The following KATNAL2 variants were observed in gnomAD, a reference collection of about 807,000 sequenced individuals.
KATNAL2 encodes the protein katanin p60 ATPase-containing subunit A-like 2.
Under a neutral mutation model 76.3 loss-of-function variants are expected in KATNAL2, and 52 were observed. The ratio of observed to expected loss-of-function variants is 0.68; its 90% CI spans 0.55 to 0.86. The LOEUF is 0.86. KATNAL2 is among the 40% of genes least tolerant of loss of function. KATNAL2 has a pLI of 0.00. For missense variants in KATNAL2, 660 were observed against 668.9 expected (o/e 0.99, Z 0.15); for synonymous variants, 243 against 244.2 (o/e 1.00, Z 0.05).
At chr18:46,962,119 C>CTTCTCTTG (rs1414521648) in intron 3 of KATNAL2, among the ~76,000 whole-genome samples, 10 of 136,796 alleles carry the variant, frequency 7.3e-5, no homozygotes, top group African/African-American at 2.9e-4. Context: ...TTTGGCTCAG[C>CTTCTCTTG]CCTCTAAGAA....
At chr18:46,946,715 T>G (rs2059389934) in intron 2 of KATNAL2, 139 bp from the exon 3 acceptor site, 2 of 1,081,390 alleles carry the variant, frequency 1.8e-6, no homozygotes. Context: ...ATTGGCATGT[T>G]AAAGAATCCT....
intron 1 of KATNAL2, among the ~76,000 whole-genome samples, chr18:46,941,966 G>T (rs1284005228): frequency 6.6e-6 from 1 of 152,164 alleles, no homozygotes; most frequent in Admixed American, 6.5e-5. Context: ...ACCAGCTAGG[G>T]TTACAGGGCA....
At chr18:47,064,935 G>A (rs189236184) in intron 10 of KATNAL2, among the ~76,000 whole-genome samples, 82 of 152,234 alleles carry the variant, frequency 5.4e-4, no homozygotes, top group African/African-American at 1.9e-3. Flanking sequence ...CTCTAGAAGA[G>A]GTCAAGAAAT....
rs1241947420 is a variant in KATNAL2, at chr18:47,070,669, C to T, written c.1008+1069C>T. Among the ~76,000 whole-genome samples the T allele has an allele frequency of 4.6e-5, 7 of 152,162 alleles. No individual in the cohort carries two copies. In the East Asian group the frequency reaches 1.4e-3, roughly 29 times the overall value. On this transcript the variant is annotated intron_variant, in intron 13 of 17. Coordinates refer to ENST00000683218, the MANE Select transcript of KATNAL2 (RefSeq NM_001387690.1). ...TAACAAATTATGCTTAAATTACATT[C>T]CCTTAGATGACTGTTTCAAAATATG...
intron 3 of KATNAL2, chr18:47,034,248 C>A: frequency 6.2e-7 from 1 of 1,614,022 alleles, no homozygotes; most frequent in Admixed American, 1.7e-5. Flanking sequence ...CGTTGGAAAG[C>A]TGCTCTTTCT....
chr18:46,922,816 A>G (rs1466780987), intron 1 of KATNAL2, among the ~76,000 whole-genome samples: 1 of 151,154 alleles, frequency 6.6e-6, no homozygotes, highest in Non-Finnish European at 1.5e-5. Flanking sequence ...ATAAATAATA[A>G]AAAGTTGAAA....
intron 10 of KATNAL2, among the ~76,000 whole-genome samples, chr18:47,065,440 G>GA (rs538155659): frequency 1.7e-3 from 254 of 150,610 alleles, no homozygotes; most frequent in Non-Finnish European, 1.5e-3. Context: ...TGGTATGGGG[G>GA]AGAGTGTCGG....
intron 3 of KATNAL2, among the ~76,000 whole-genome samples, chr18:46,961,202 G>C (rs1643907048): frequency 6.7e-6 from 1 of 149,718 alleles, no homozygotes; most frequent in South Asian, 2.1e-4. Flanking sequence ...AGGCCATCTG[G>C]CTATTTATCT....
intron 3 of KATNAL2, among the ~76,000 whole-genome samples, chr18:47,037,226 T>G (rs1395869820): frequency 6.6e-6 from 1 of 152,228 alleles, no homozygotes; most frequent in African/African-American, 2.4e-5. Context: ...TTCCTAAATA[T>G]CTTCTGGGTC....
intron 1 of KATNAL2, 110 bp downstream of exon 1, chr18:46,918,036 A>T (rs2146418275): frequency 1.3e-5 from 2 of 152,092 alleles, no homozygotes; most frequent in Admixed American, 1.3e-4. Flanking sequence ...AGGGCACCTG[A>T]AGGTCACGGA....
intron 1 of KATNAL2, among the ~76,000 whole-genome samples, chr18:46,936,092 A>G (rs982123338): frequency 3.5e-4 from 54 of 152,186 alleles, no homozygotes; most frequent in Non-Finnish European, 2.6e-4. Context: ...CAGAACCACA[A>G]TGAGAAACAG....
intron 15 of KATNAL2, among the ~76,000 whole-genome samples, chr18:47,097,274 G>A (rs1217840186): frequency 6.6e-6 from 1 of 152,146 alleles, no homozygotes; most frequent in Non-Finnish European, 1.5e-5. Flanking sequence ...GTATTCCTAT[G>A]GTGTCAAAGT....
chr18:47,034,506 T>C (rs1418524106), intron 3 of KATNAL2: 1 of 1,614,202 alleles, frequency 6.2e-7, no homozygotes, highest in Admixed American at 1.7e-5. Flanking sequence ...AGGCCCCGCA[T>C]GATTTCTCCC....
intron 3 of KATNAL2, among the ~76,000 whole-genome samples, chr18:47,036,826 A>T (rs184362957): frequency 6.6e-6 from 1 of 152,350 alleles, no homozygotes; most frequent in East Asian, 1.9e-4. Flanking sequence ...TATTAAATTC[A>T]ATAAATGTCT....
chr18:47,032,848 A>G (rs2060539599), intron 3 of KATNAL2: 2 of 1,457,262 alleles, frequency 1.4e-6, no homozygotes, highest in Non-Finnish European at 1.8e-6. Flanking sequence ...AGGCAAAATC[A>G]CAGGGCCAGC....
At chr18:47,083,863 A>T (rs990610081) in intron 15 of KATNAL2, among the ~76,000 whole-genome samples, 6 of 152,058 alleles carry the variant, frequency 3.9e-5, no homozygotes, top group African/African-American at 1.5e-4. Flanking sequence ...TACCTATTTA[A>T]CTCTCTGGGA....
intron 15 of KATNAL2, among the ~76,000 whole-genome samples, chr18:47,097,118 CAAA>C (rs58101085): frequency 8.5e-5 from 6 of 70,880 alleles, no homozygotes; most frequent in Admixed American, 4.5e-4. Context: ...GACCCTGGCT[CAAA>C]AAAAAAAAAA....
intron 3 of KATNAL2, among the ~76,000 whole-genome samples, chr18:46,954,346 T>C (rs1466115097): frequency 2.1e-5 from 3 of 143,368 alleles, no homozygotes; most frequent in South Asian, 2.3e-4. Context: ...TTTTTTTTTT[T>C]CCTGAGATGG....
At position 47,086,407 on chromosome 18, in the gene KATNAL2, C is replaced by G. The variant is rs2062774760; in HGVS notation, c.1211+8946C>G. Among the ~76,000 whole-genome samples, 4 of 152,082 alleles carry G rather than the reference C, an allele frequency of 2.6e-5. No homozygotes were observed. In the South Asian group the frequency reaches 8.3e-4, roughly 32 times the overall value. ...TCTCGGCTCACCACAACCTCTGCCT[C>G]CCGGGTTCAAGCAATTCTCTTCCTC... On this transcript the variant is annotated intron_variant, in intron 15 of 17. Coordinates refer to ENST00000683218, the MANE Select transcript of KATNAL2 (RefSeq NM_001387690.1).
Sources: gnomAD v4.1 joint callset for allele counts (sites outside exome capture counted in the v4.1 genomes callset) on GRCh38, gnomAD v4.1.1 for gene constraint, MANE v1.5 for transcripts, NCBI Gene and HGNC (gene_info 2026-07-23, HGNC 2026-07-21) for gene names.